TNIK: variants seen among roughly 807,000 people sequenced by gnomAD.
TNIK encodes TRAF2 and NCK-interacting protein kinase.
Under a neutral mutation model 191.3 loss-of-function variants are expected in TNIK, and 49 were observed. The ratio of observed to expected loss-of-function variants is 0.26; its 90% confidence interval spans 0.20 to 0.32. The LOEUF (loss-of-function observed/expected upper bound fraction) is 0.32. TNIK is among the 10% of genes least tolerant of loss of function. The pLI is 1.00. For synonymous variants in TNIK, 594 were observed against 600.9 expected, an observed-to-expected ratio of 0.99 and a Z score of 0.17; for missense variants, 1,155 against 1,702.3, an observed-to-expected ratio of 0.68 and a Z score of 5.66.
intron 10 of TNIK, among the ~76,000 whole-genome samples, chr3:171,164,853 G>C (rs574088195): frequency 3.7e-4 from 56 of 152,320 alleles, no homozygotes; most frequent in African/African-American, 1.3e-3. Flanking sequence ...CCTCCAGCTT[G>C]GGCTGGCCTC....
At chr3:171,164,745 TC>T in intron 10 of TNIK, among the ~76,000 whole-genome samples, 1 of 152,356 alleles carries the variant, frequency 6.6e-6, no homozygotes, top group South Asian at 2.1e-4. Context: ...AATTCTGACT[TC>T]ATGGAGTAGC....
intron 1 of TNIK, among the ~76,000 whole-genome samples, chr3:171,376,642 G>C (rs775804842): frequency 6.6e-5 from 10 of 152,176 alleles, no homozygotes; most frequent in Non-Finnish European, 1.5e-4. Context: ...CTGGAATATA[G>C]CCCAGAAGCA....
chr3:171,060,509 A>G lies in TNIK; in HGVS notation c.*3372T>C, dbSNP rs1037228731. 6.6e-5 allele frequency among the ~76,000 whole-genome samples: 10 copies of G among 152,248 alleles called. No homozygotes were observed. In the South Asian group the frequency reaches 1.7e-3, roughly 25 times the overall value. ...CAGGTGACCTTGTGAGATTTCACCC[A>G]TAACTTAATATACCCTGTTTAATAA... On this transcript the variant is annotated 3_prime_UTR_variant, in exon 33 of 33. Coordinates refer to ENST00000436636, the MANE Select transcript of TNIK (RefSeq NM_015028.4).
chr3:171,198,896 G>A (rs1024617444), intron 4 of TNIK, among the ~76,000 whole-genome samples: 3 of 152,118 alleles, frequency 2.0e-5, no homozygotes, highest in African/African-American at 7.2e-5. Flanking sequence ...AAAGTACATT[G>A]ACCAGGCCTC....
chr3:171,217,687 A>G (rs1006785236), intron 3 of TNIK, among the ~76,000 whole-genome samples: 3 of 152,216 alleles, frequency 2.0e-5, no homozygotes, highest in African/African-American at 7.2e-5. Context: ...GAAGCTTACT[A>G]CAGTTTAGTG....
At chr3:171,180,406 A>AT (rs1736503438) in intron 7 of TNIK, among the ~76,000 whole-genome samples, 2 of 152,100 alleles carry the variant, frequency 1.3e-5, no homozygotes, top group Admixed American at 1.3e-4. Flanking sequence ...TTCATCACTA[A>AT]TTTACCATGT....
intron 25 of TNIK, among the ~76,000 whole-genome samples, chr3:171,084,772 C>T (rs1040694787): frequency 2.0e-5 from 3 of 152,112 alleles, no homozygotes; most frequent in Non-Finnish European, 4.4e-5. Flanking sequence ...ACACAATGTA[C>T]CATACACTTA....
intron 25 of TNIK, among the ~76,000 whole-genome samples, 200 bp downstream of exon 25, chr3:171,084,915 TAGA>T (rs1309703386): frequency 6.6e-6 from 1 of 152,104 alleles, no homozygotes; most frequent in Non-Finnish European, 1.5e-5. Flanking sequence ...AGAAACGAAA[TAGA>T]AGAGATGGGA....
rs1717616315 is a variant in TNIK, at chr3:171,059,195, A to G, written c.*4686T>C. On this transcript the variant is annotated 3_prime_UTR_variant, in exon 33 of 33. Transcript: ENST00000436636. ...TGTACACAAACTCAAAAATCTGTAAACTTTAGGACATTTTTATTTTTAACT... is the reference window on the plus strand; with the variant it reads ...TGTACACAAACTCAAAAATCTGTAAGCTTTAGGACATTTTTATTTTTAACT... Among the ~76,000 whole-genome samples the G allele has an allele frequency of 6.6e-6, 1 of 152,188 alleles. No homozygotes were observed. The highest frequency in any genetic ancestry group is 1.5e-5 in the Non-Finnish European group (1 of 68,020).
At chr3:171,182,966 A>G (rs1364150800) in intron 7 of TNIK, among the ~76,000 whole-genome samples, 1 of 152,250 alleles carries the variant, frequency 6.6e-6, no homozygotes, top group East Asian at 1.9e-4. Context: ...TCAATAAGGA[A>G]GAATATGCAA....
At chr3:171,088,004 C>CT (rs1721587143) in intron 23 of TNIK, among the ~76,000 whole-genome samples, 1 of 152,296 alleles carries the variant, frequency 6.6e-6, no homozygotes, top group East Asian at 1.9e-4. Context: ...TCACAGGGCT[C>CT]TTTGTCATTC....
intron 1 of TNIK, among the ~76,000 whole-genome samples, chr3:171,416,209 G>A (rs1333019389): frequency 6.6e-6 from 1 of 151,878 alleles, no homozygotes; most frequent in Non-Finnish European, 1.5e-5. Flanking sequence ...TTGCAGATAT[G>A]ACAGTAAATT....
chr3:171,152,483 CT>C (rs1306861119), intron 12 of TNIK, among the ~76,000 whole-genome samples: 2 of 152,076 alleles, frequency 1.3e-5, no homozygotes, highest in Non-Finnish European at 2.9e-5. Flanking sequence ...CAATAAAGTT[CT>C]TTTATATCCA....
intron 31 of TNIK, 109 bp from the exon 32 acceptor site, chr3:171,066,435 G>A: frequency 3.2e-6 from 5 of 1,553,652 alleles, no homozygotes; most frequent in Non-Finnish European, 4.4e-6. Context: ...GAGATAAATG[G>A]ACAAAGCAAG....
At chr3:171,083,989 C>A (rs1452406973) in intron 26 of TNIK, among the ~76,000 whole-genome samples, 166 bp downstream of exon 26, 1 of 152,052 alleles carries the variant, frequency 6.6e-6, no homozygotes, top group Non-Finnish European at 1.5e-5. Flanking sequence ...ATATAAAACT[C>A]CTTTTGGTTT....
chr3:171,264,111 C>CACACACAT (rs1257639293), intron 2 of TNIK, among the ~76,000 whole-genome samples: 27 of 61,042 alleles, frequency 4.4e-4, no homozygotes, highest in Admixed American at 2.3e-3. Context: ...CACACACACA[C>CACACACAT]ATATATATAT....
At position 171,138,841 on chromosome 3, in the gene TNIK, C is replaced by A. The variant is rs1352589135; in HGVS notation, c.1420-462G>T. 2.0e-5 allele frequency among the ~76,000 whole-genome samples: 3 copies of A among 152,166 alleles called. No homozygotes were observed. The East Asian group carries it at 5.8e-4, about 29-fold the overall frequency. On this transcript the variant is annotated intron_variant, in intron 14 of 32. Transcript: ENST00000436636. ...TTTCATTTAATAAAACTTGGACCTA[C>A]AAAGGCCATTAGCAAGCTTATGTAC...
rs186389880 is a variant in TNIK, at chr3:171,096,827, G to A, written c.2592-2859C>T. On this transcript the variant is annotated intron_variant, in intron 22 of 32. Coordinates refer to ENST00000436636, the MANE Select transcript of TNIK (RefSeq NM_015028.4). The stretch of plus-strand genomic sequence containing the variant: ...GCACATAATAAATGTTTATTAAATC[G>A]CTGAAGATCTTGGGTCAAGGGCTTT... Among the ~76,000 whole-genome samples, 142 of 152,258 alleles carry A rather than the reference G, an allele frequency of 9.3e-4. 4 individuals are homozygous for A. The highest frequency in any genetic ancestry group is 6.8e-3 in the Middle Eastern group (2 of 294).
chr3:171,437,590 A>G (rs193138984), intron 1 of TNIK, among the ~76,000 whole-genome samples: 181 of 152,298 alleles, frequency 1.2e-3, no homozygotes, highest in African/African-American at 4.2e-3. Context: ...AGAACAGCTC[A>G]TCCTCTCCTT....
Sources: allele counts gnomAD v4.1 joint callset (sites outside exome capture counted in the v4.1 genomes callset), GRCh38; gene constraint gnomAD v4.1.1; transcripts MANE v1.5; gene names NCBI Gene and HGNC (gene_info 2026-07-23, HGNC 2026-07-21).